The following PRH1 variants were observed in gnomAD, a reference collection of about 807,000 sequenced individuals.
PRH1 encodes salivary acidic proline-rich phosphoprotein 1/2.
A neutral mutation model predicts 7.9 loss-of-function variants in PRH1; 7 were observed. The ratio of observed to expected loss-of-function variants is 0.89; its 90% CI spans 0.50 to 1.67. The LOEUF (loss-of-function observed/expected upper bound fraction) is 1.67. PRH1 is among the 40% of genes most tolerant of loss of function. The pLI is 0.00. For missense variants in PRH1, 109 were observed against 223.6 expected, an observed-to-expected ratio of 0.49 and a Z score of 3.27; for synonymous variants, 45 against 80.8, an observed-to-expected ratio of 0.56 and a Z score of 2.38.
intron 1 of PRH1, among the ~76,000 whole-genome samples, chr12:11,154,186 G>GT (rs1254928465): frequency 6.6e-6 from 1 of 152,120 alleles, no homozygotes; most frequent in Non-Finnish European, 1.5e-5. Context: ...ATGCCAAAAT[G>GT]TTTTTTATCA....
chr12:11,101,489 CAAAAT>C (rs1331773576), intron 1 of PRH1, among the ~76,000 whole-genome samples: 1 of 151,584 alleles, frequency 6.6e-6, no homozygotes, highest in Non-Finnish European at 1.5e-5. Context: ...GATCCTGTCT[CAAAAT>C]AAAAATAGAA....
chr12:11,128,160 C>A (rs577577679), intron 1 of PRH1, among the ~76,000 whole-genome samples: 1 of 149,228 alleles, frequency 6.7e-6, no homozygotes, highest in South Asian at 2.1e-4. Context: ...AATTGTATAA[C>A]TATTCCTTGG....
At chr12:11,052,165 T>C (rs758482886), upstream of PRH1, among the ~76,000 whole-genome samples, 41 of 15,804 alleles carry the variant, frequency 2.6e-3, no homozygotes, top group Non-Finnish European at 0.018. Flanking sequence ...GACAATATTG[T>C]TTTATACAGT....
At chr12:11,149,510 C>T (rs71453434) in intron 1 of PRH1, among the ~76,000 whole-genome samples, 64,811 of 146,942 alleles carry the variant, frequency 0.44, 14,910 homozygotes, top group Non-Finnish European at 0.51. Flanking sequence ...TCAGAAATAA[C>T]GCCGCATATC....
At chr12:10,956,035 C>G (rs929657052) in intron 2 of PRH1, among the ~76,000 whole-genome samples, 3 of 152,064 alleles carry the variant, frequency 2.0e-5, no homozygotes, top group African/African-American at 7.2e-5. Flanking sequence ...CACACTAAAC[C>G]TACTCTAAAA....
chr12:10,986,659 AAT>A, intron 1 of PRH1: 4 of 1,612,244 alleles, frequency 2.5e-6, no homozygotes, highest in Non-Finnish European at 3.4e-6. Flanking sequence ...AACACAGTTA[AAT>A]ACCAATTTAA....
chr12:11,160,473 GTTTGTTTGTTTT>G lies in PRH1; in HGVS notation n.39+10937_39+10948del, dbSNP rs534506985. 3.1e-3 allele frequency among the ~76,000 whole-genome samples: 375 copies of G among 119,958 alleles called. 1 individual carries two copies. The highest frequency in any genetic ancestry group is 1.0e-2 in the African/African-American group (361 of 36,162). 78.7% of individuals were successfully genotyped at this position (119,958 alleles called of 152,430 possible). ...AACTGGAATTTTTGTTTGTTTGTTT[GTTTGTTTGTTTT>G]TTTGAGACAGAGTGAGACTCCATCA... is the stretch of plus-strand genomic sequence containing the variant. On this transcript the variant is annotated intron_variant and non_coding_transcript_variant, in intron 1 of 1. Coordinates refer to the PRH1 transcript ENST00000541175.
intron 1 of PRH1, among the ~76,000 whole-genome samples, chr12:10,991,703 G>T (rs1160691408): frequency 2.0e-5 from 3 of 152,080 alleles, no homozygotes; most frequent in African/African-American, 7.2e-5. Flanking sequence ...AGACATAATT[G>T]ATTAGAGATT....
intron 2 of PRH1, among the ~76,000 whole-genome samples, chr12:10,902,934 T>C (rs187815148): frequency 6.6e-6 from 1 of 152,058 alleles, no homozygotes; most frequent in South Asian, 2.1e-4. Context: ...CAAGACCCTA[T>C]AAAGAAACCA....
At chr12:10,944,777 A>T (rs552728326) in intron 2 of PRH1, among the ~76,000 whole-genome samples, 1 of 152,264 alleles carries the variant, frequency 6.6e-6, no homozygotes, top group African/African-American at 2.4e-5. Context: ...AGGGATGTTG[A>T]ATTTTTATCA....
chr12:11,052,458 T>C (rs543497824), intron 1 of PRH1, among the ~76,000 whole-genome samples: 4 of 152,344 alleles, frequency 2.6e-5, no homozygotes, highest in Admixed American at 2.6e-4. Context: ...TCTACTGGTC[T>C]TTGGTGTCCT....
chr12:11,026,163 G>A (rs1324476119), intron 1 of PRH1, among the ~76,000 whole-genome samples: 8 of 152,152 alleles, frequency 5.3e-5, no homozygotes, highest in Non-Finnish European at 1.0e-4. Flanking sequence ...AGCTTCCCAA[G>A]TATTTGGAAC....
chr12:11,014,539 A>T (rs981203596), intron 1 of PRH1, among the ~76,000 whole-genome samples: 2 of 152,152 alleles, frequency 1.3e-5, no homozygotes, highest in African/African-American at 4.8e-5. Flanking sequence ...TTATAAACCA[A>T]GAGCAAGCCT....
chr12:10,901,264 G>T (rs1441300409), intron 2 of PRH1, among the ~76,000 whole-genome samples: 1 of 152,282 alleles, frequency 6.6e-6, no homozygotes, highest in East Asian at 1.9e-4. Flanking sequence ...GTTGGTGGGG[G>T]TGGGTTCTGC....
At chr12:11,059,361 T>C (rs1368748919) in intron 1 of PRH1, among the ~76,000 whole-genome samples, 1 of 152,218 alleles carries the variant, frequency 6.6e-6, no homozygotes, top group Non-Finnish European at 1.5e-5. Context: ...AATTTCCACA[T>C]ATCCTTGCCA....
At chr12:11,086,070 C>G (rs1445391031) in intron 1 of PRH1, among the ~76,000 whole-genome samples, 3 of 121,750 alleles carry the variant, frequency 2.5e-5, no homozygotes, top group African/African-American at 8.6e-5. Flanking sequence ...TTTTGTATAA[C>G]TTATTGTTAA....
chr12:11,065,060 A>C (rs1320178278), intron 1 of PRH1, among the ~76,000 whole-genome samples: 1 of 152,016 alleles, frequency 6.6e-6, no homozygotes, highest in Non-Finnish European at 1.5e-5. Flanking sequence ...ACTGATAATA[A>C]TAATAATTTT....
chr12:10,884,386 A>T, upstream of PRH1: 1 of 732,384 alleles, frequency 1.4e-6, no homozygotes, highest in East Asian at 2.7e-5. Context: ...TGTATCCCTC[A>T]TTTCTTTTGG....
chr12:10,960,741 T>C (rs1388634600), intron 2 of PRH1, among the ~76,000 whole-genome samples: 1 of 152,196 alleles, frequency 6.6e-6, no homozygotes, highest in Non-Finnish European at 1.5e-5. Flanking sequence ...ATAGTATTAC[T>C]TTGAACAGAA....
Sources: gnomAD v4.1 joint callset for allele counts (sites outside exome capture counted in the v4.1 genomes callset) on GRCh38, gnomAD v4.1.1 for gene constraint, MANE v1.5 for transcripts, NCBI Gene and HGNC (gene_info 2026-07-23, HGNC 2026-07-21) for gene names.